CPAMD8: variants seen among roughly 807,000 people sequenced by gnomAD.
CPAMD8 encodes C3 and PZP-like alpha-2-macroglobulin domain-containing protein 8.
A neutral mutation model predicts 224.7 loss-of-function variants in CPAMD8; 146 were observed. The observed-to-expected ratio is 0.65, with a 90% confidence interval of 0.57 to 0.75. CPAMD8 has a LOEUF of 0.75. Among genes scored for constraint, CPAMD8 ranks in the 30% least tolerant of loss-of-function variants. The pLI is 0.00. For synonymous variants in CPAMD8, 966 were observed against 1,044.6 expected (o/e 0.92, Z 1.45); for missense variants, 2,301 against 2,537.5 (o/e 0.91, Z 2.00).
intron 22 of CPAMD8, among the ~76,000 whole-genome samples, chr19:16,940,283 TATGATAAACCTATCCTACAG>T (rs2053843393): frequency 6.6e-6 from 1 of 152,224 alleles, no homozygotes; most frequent in Non-Finnish European, 1.5e-5. Context: ...GCCAGTACCT[TATGATAAACCTATCCTACAG>T]ATGTATGTGT....
At chr19:16,952,609 C>A (rs2054334032) in intron 19 of CPAMD8, among the ~76,000 whole-genome samples, 1 of 152,078 alleles carries the variant, frequency 6.6e-6, no homozygotes, top group Non-Finnish European at 1.5e-5. Context: ...CCCAGGTGGT[C>A]GAGGGTGCAG....
chr19:16,952,072 A>G lies in CPAMD8; in HGVS notation c.2405T>C (p.Phe802Ser). 1 of 1,568,622 alleles carries G rather than the reference A, an allele frequency of 6.4e-7. No individual in the cohort carries two copies. Among genetic ancestry groups the G allele is most frequent in the Non-Finnish European group, 8.7e-7 (1 of 1,155,240 alleles). The change falls in exon 20 of 42, where the codon TTC becomes TCC. Residue 802 changes from phenylalanine to serine, a missense_variant. By Grantham distance (155) the Phe-to-Ser change is radical. Around this residue, in one of 4 missense-constraint regions of CPAMD8, gnomAD observed 1,709 missense variants for 1,753.2 expected, o/e 0.97. Transcript: ENST00000443236. ...CATGAAGTCCACGAAGAAGGGCTTG[A>G]AGGTCTTCAGCAGGGAGGGCTCGGC... ...GIAEPSLLKT[F>S]KPFFVDFMLP...
At chr19:16,993,328 C>A (rs2056017983) in intron 12 of CPAMD8, 88 bp downstream of exon 12, 4 of 1,102,274 alleles carry the variant, frequency 3.6e-6, no homozygotes, top group Non-Finnish European at 4.0e-6. Flanking sequence ...GCTCCAGGCC[C>A]ACTGATCAGG....
chr19:16,896,244 C>T lies in CPAMD8; in HGVS notation c.5358G>A (p.Val1786=), dbSNP rs1457335877. The change falls in exon 41 of 42, where the codon GTG becomes GTA. Residue 1786 remains valine, a synonymous_variant. Coordinates refer to ENST00000443236, the MANE Select transcript of CPAMD8 (RefSeq NM_015692.5). ...CCTCAAGGCCGGCTCCATTCAGCTTCACGTCCTGCTGTAAAGGCCCCGGGG... is the reference window on the plus strand; with the variant it reads ...CCTCAAGGCCGGCTCCATTCAGCTTTACGTCCTGCTGTAAAGGCCCCGGGG... ...SVAPGPLQQD[V]KLNGAGLEVE... 1 of 1,613,628 alleles carries T rather than the reference C, an allele frequency of 6.2e-7. No homozygotes were observed.
intron 27 of CPAMD8, among the ~76,000 whole-genome samples, chr19:16,916,464 C>G (rs937170110): frequency 1.3e-5 from 2 of 152,074 alleles, no homozygotes; most frequent in African/African-American, 4.8e-5. Context: ...GCTGGCCAGA[C>G]TGATCTCAAA....
chr19:16,931,456 C>G (rs545354666), intron 23 of CPAMD8, among the ~76,000 whole-genome samples: 37 of 152,342 alleles, frequency 2.4e-4, no homozygotes, highest in African/African-American at 8.7e-4. Context: ...CCCAGCCTGT[C>G]ACAGCCACCA....
Position 17,026,805 on chromosome 19 carries a change from C to A in CPAMD8, c.-163G>T, listed in dbSNP as rs966927339. ...CCATGCGCCCCGCTCCGCGCCCGGCCAAGCTGGGGCAGCCCCGGGCCAGCC... is the reference window on the plus strand; with the variant it reads ...CCATGCGCCCCGCTCCGCGCCCGGCAAAGCTGGGGCAGCCCCGGGCCAGCC... On this transcript the variant is annotated 5_prime_UTR_variant, in exon 1 of 42. Coordinates refer to ENST00000443236, the MANE Select transcript of CPAMD8 (RefSeq NM_015692.5). The A allele has an allele frequency of 1.0e-5, 11 of 1,076,362 alleles. No individual in the cohort carries two copies. The Admixed American group carries it at 5.3e-4, about 52-fold the overall frequency. 66.7% of individuals were successfully genotyped at this position (1,076,362 alleles called of 1,614,324 possible). A position where few individuals can be genotyped will look rare whatever the true frequency, so the allele number is the denominator to read the frequency against.
intron 22 of CPAMD8, among the ~76,000 whole-genome samples, chr19:16,943,568 C>T (rs939141049): frequency 5.3e-5 from 8 of 152,152 alleles, no homozygotes; most frequent in African/African-American, 1.9e-4. Flanking sequence ...ACACCCAGCC[C>T]TTCACTCCAT....
Position 16,917,180 on chromosome 19 carries a change from C to T in CPAMD8, c.3630-2367G>A, listed in dbSNP as rs143421229. On this transcript the variant is annotated intron_variant, in intron 27 of 41. Transcript: ENST00000443236. ...GCTGAGGCAGGAGGATCAGTTGAGG[C>T]CAGGAGTTTGAAACCAGCCTGGGCA... Among the ~76,000 whole-genome samples the T allele has an allele frequency of 3.7e-4, 57 of 152,252 alleles. No homozygotes were observed. The East Asian group carries it at 9.8e-3, about 26-fold the overall frequency.
rs1055410356 is a variant in CPAMD8 at position 16,964,654 on chromosome 19, A to G, written c.2213+6237T>C. ...CATTCCTTCTGAAACTATTCTAATC[A>G]AGAAAAAGAAGGAATCCTCCCTAAC... is the stretch of plus-strand genomic sequence containing the variant. On this transcript the variant is annotated intron_variant, in intron 18 of 41. Transcript: ENST00000443236. Among the ~76,000 whole-genome samples the G allele has an allele frequency of 3.9e-5, 6 of 151,954 alleles. No homozygotes were observed. In the South Asian group the frequency reaches 8.3e-4, roughly 21 times the overall value.
In CPAMD8 at chr19:16,903,797, T is replaced by C. The variant is rs754844891; in HGVS notation, c.4312A>G (p.Ile1438Val). The change falls in exon 33 of 42, where the codon ATC becomes GTC. Residue 1438 changes from isoleucine to valine, a missense_variant. Coordinates refer to ENST00000443236, the MANE Select transcript of CPAMD8 (RefSeq NM_015692.5). The part of the protein sequence containing the change: ...EYAILSYAGG[I>V]NLTVSLASTN... ...GAGGCCAGGGAGACAGTGAGGTTGA[T>C]GCCTCCAGCATAGGACAAGATGGCA... 1.1e-5 allele frequency: 17 copies of C among 1,614,142 alleles called. No individual in the cohort carries two copies. The highest frequency in any genetic ancestry group is 1.4e-5 in the Non-Finnish European group (17 of 1,179,992).
At position 16,897,779 on chromosome 19, in the gene CPAMD8, G is replaced by C; in HGVS notation, c.4977C>G (p.Tyr1659Ter). ...CGAGTGGGCTGTGGGTGCTGACGTTGTAGAAGCGAGTGGCCTCGAAGGCTA... is the reference window on the plus strand; with the variant it reads ...CGAGTGGGCTGTGGGTGCTGACGTTCTAGAAGCGAGTGGCCTCGAAGGCTA... ...YEPAFEATRFYNVSTHSPLAR... is the reference protein window; with the variant it reads ...YEPAFEATRF The change falls in exon 39 of 42, where the codon TAC (tyrosine) becomes TAG (stop). Residue 1659 changes from tyrosine (Y) to a stop codon, truncating the protein, a stop_gained. Coordinates refer to ENST00000443236, the MANE Select transcript of CPAMD8 (RefSeq NM_015692.5). LOFTEE classifies it high-confidence loss of function. 6.3e-7 allele frequency: 1 copy of C among 1,586,044 alleles called. No homozygotes were observed. Among genetic ancestry groups the C allele is most frequent in the African/African-American group, 1.3e-5 (1 of 74,508 alleles).
intron 18 of CPAMD8, among the ~76,000 whole-genome samples, chr19:16,959,834 C>T (rs1396726447): frequency 6.6e-5 from 10 of 152,170 alleles, no homozygotes; most frequent in Admixed American, 1.3e-4. Flanking sequence ...CCACCACGCC[C>T]GGCCTGCATG....
intron 23 of CPAMD8, among the ~76,000 whole-genome samples, chr19:16,937,650 C>T (rs961840403): frequency 6.8e-5 from 8 of 116,814 alleles, no homozygotes; most frequent in Admixed American, 9.0e-5. Context: ...TAACTTCATA[C>T]TTTTTTTTTT....
chr19:16,944,867 T>A (rs61396545), intron 22 of CPAMD8, among the ~76,000 whole-genome samples: 45,911 of 151,948 alleles, frequency 0.3, 8,369 homozygotes, highest in African/African-American at 0.51. Flanking sequence ...GGAATGTGAG[T>A]CCCTTCGGGC....
chr19:16,965,409 G>A (rs1042019974), intron 18 of CPAMD8, among the ~76,000 whole-genome samples: 2 of 152,114 alleles, frequency 1.3e-5, no homozygotes, highest in Non-Finnish European at 2.9e-5. Context: ...AAAACTGGAA[G>A]CATTCCCTTT....
chr19:16,984,341 A>C (rs1053651159), intron 13 of CPAMD8, among the ~76,000 whole-genome samples: 4 of 150,070 alleles, frequency 2.7e-5, no homozygotes, highest in Non-Finnish European at 5.9e-5. Flanking sequence ...AGAGAGAGAG[A>C]GAGAGAGAGA....
chr19:16,935,264 C>G (rs1219581197), intron 23 of CPAMD8, among the ~76,000 whole-genome samples: 1 of 152,142 alleles, frequency 6.6e-6, no homozygotes, highest in Non-Finnish European at 1.5e-5. Flanking sequence ...TCAGCTTTCT[C>G]CAATTCTATT....
At chr19:16,914,905 C>T in intron 27 of CPAMD8, 92 bp from the exon 28 acceptor site, 2 of 886,046 alleles carry the variant, frequency 2.3e-6, no homozygotes, top group Non-Finnish European at 3.5e-6. Flanking sequence ...TGGCACCACC[C>T]CCGGCCTCCA....
Sources: allele counts gnomAD v4.1 joint callset (sites outside exome capture counted in the v4.1 genomes callset), GRCh38; gene constraint gnomAD v4.1.1; regional missense constraint gnomAD v4.1.1; transcripts MANE v1.5; gene names NCBI Gene and HGNC (gene_info 2026-07-23, HGNC 2026-07-21).